Variants in NREP observed in about 807,000 individuals in gnomAD.
NREP encodes the protein neuronal regeneration-related protein.
Under a neutral mutation model 8.6 loss-of-function variants are expected in NREP, and 5 were observed. That is an observed-to-expected ratio of 0.58 (90% CI 0.30 to 1.22). NREP has a LOEUF of 1.22. Among genes scored for constraint, NREP ranks in the 50% most tolerant of loss-of-function variants. The probability of loss-of-function intolerance (pLI) is 0.07; values close to 1 mark genes in which losing one functional copy is unlikely to be tolerated. For missense variants in NREP, 86 were observed against 82.5 expected (o/e 1.04, Z -0.17); for synonymous variants, 27 against 28.0 (o/e 0.96, Z 0.11).
At chr5:111,759,474 T>G (rs1357178552), upstream of NREP, among the ~76,000 whole-genome samples, 2 of 151,806 alleles carry the variant, frequency 1.3e-5, no homozygotes, top group Non-Finnish European at 2.9e-5. Flanking sequence ...TTGCCCGGTC[T>G]CAAACTCCTG....
chr5:111,785,287 C>A lies in NREP; in HGVS notation c.136-49780G>T, dbSNP rs547802491. 3.1e-3 allele frequency among the ~76,000 whole-genome samples: 475 copies of A among 151,378 alleles called. 9 individuals are homozygous for A. The highest frequency in any genetic ancestry group is 4.3e-3 in the Non-Finnish European group (288 of 67,754). ...TCATTTCTATTTTAAAATGGCTATT[C>A]TTTTTTTTTGAGATGGAGTCTCCTT... On this transcript the variant is annotated intron_variant, in intron 2 of 3. Coordinates refer to the NREP transcript ENST00000395634.
At chr5:111,968,866 C>T (rs1756719957) in intron 2 of NREP, among the ~76,000 whole-genome samples, 2 of 152,142 alleles carry the variant, frequency 1.3e-5, no homozygotes, top group Admixed American at 1.3e-4. Context: ...AGTCATAACC[C>T]CTCAGCATGG....
intron 2 of NREP, among the ~76,000 whole-genome samples, chr5:111,916,995 A>G (rs1330712687): frequency 6.6e-6 from 1 of 152,038 alleles, no homozygotes; most frequent in Non-Finnish European, 1.5e-5. Flanking sequence ...AAGAGACCCA[A>G]ATGGGCACCG....
At chr5:111,945,288 T>G (rs1755945134) in intron 2 of NREP, among the ~76,000 whole-genome samples, 1 of 152,118 alleles carries the variant, frequency 6.6e-6, no homozygotes, top group Non-Finnish European at 1.5e-5. Context: ...TAAAGAACTT[T>G]TTTTTTATTA....
intron 2 of NREP, among the ~76,000 whole-genome samples, chr5:111,868,368 A>G (rs920824606): frequency 6.6e-6 from 1 of 152,220 alleles, no homozygotes; most frequent in Non-Finnish European, 1.5e-5. Context: ...CAGAGCAAAG[A>G]AAATGAATAG....
At chr5:111,754,103 TGAGTAAAAATCCTTCCAG>T in intron 2 of NREP, among the ~76,000 whole-genome samples, 1 of 152,168 alleles carries the variant, frequency 6.6e-6, no homozygotes, top group Non-Finnish European at 1.5e-5. Flanking sequence ...AATTTTTTCA[TGAGTAAAAATCCTTCCAG>T]GAGCAACAAA....
intron 2 of NREP, among the ~76,000 whole-genome samples, chr5:111,879,493 G>C (rs1206869543): frequency 6.6e-6 from 1 of 152,124 alleles, no homozygotes; most frequent in African/African-American, 2.4e-5. Flanking sequence ...GGCATTTTTT[G>C]AAAATATTTT....
intron 2 of NREP, among the ~76,000 whole-genome samples, chr5:111,925,369 G>T (rs1173613742): frequency 6.6e-6 from 1 of 152,110 alleles, no homozygotes; most frequent in East Asian, 1.9e-4. Flanking sequence ...TTCTTAAAGT[G>T]CCCTGGTTTG....
At chr5:111,762,106 G>A (rs1023020340), upstream of NREP, among the ~76,000 whole-genome samples, 1 of 152,104 alleles carries the variant, frequency 6.6e-6, no homozygotes, top group African/African-American at 2.4e-5. Context: ...GCATGGGAAA[G>A]GAAAAGAGGG....
At chr5:111,873,533 C>A (rs1753836660) in intron 2 of NREP, among the ~76,000 whole-genome samples, 1 of 152,148 alleles carries the variant, frequency 6.6e-6, no homozygotes, top group African/African-American at 2.4e-5. Flanking sequence ...AGGCTGTTCT[C>A]AGTTTCTGGA....
chr5:111,930,283 G>A (rs1273533044), intron 2 of NREP, among the ~76,000 whole-genome samples: 2 of 152,054 alleles, frequency 1.3e-5, no homozygotes, highest in African/African-American at 4.8e-5. Flanking sequence ...TAAATGTTAG[G>A]CTCCCATAAG....
intron 3 of NREP, 86 bp downstream of exon 3, chr5:111,735,344 T>C (rs1749004152): frequency 1.3e-5 from 11 of 838,482 alleles, no homozygotes; most frequent in Non-Finnish European, 2.0e-5. Flanking sequence ...CTATAATGGG[T>C]ATTCAAATGA....
intron 2 of NREP, among the ~76,000 whole-genome samples, chr5:111,891,392 A>T (rs1424234922): frequency 3.3e-5 from 5 of 152,192 alleles, no homozygotes; most frequent in African/African-American, 9.7e-5. Context: ...TCTCTAAAAA[A>T]TTTCAAATGT....
At chr5:111,748,286 C>A (rs1403379698) in intron 2 of NREP, among the ~76,000 whole-genome samples, 1 of 152,160 alleles carries the variant, frequency 6.6e-6, no homozygotes, top group Non-Finnish European at 1.5e-5. Flanking sequence ...AAAATGTTCA[C>A]TGAAAGCCTC....
intron 2 of NREP, among the ~76,000 whole-genome samples, chr5:111,880,446 T>C (rs1754024964): frequency 1.3e-5 from 2 of 152,212 alleles, no homozygotes; most frequent in African/African-American, 4.8e-5. Flanking sequence ...TTTTGAGGCC[T>C]CTTTCCTTGG....
chr5:111,797,185 A>T (rs1231520655), intron 2 of NREP, among the ~76,000 whole-genome samples: 1 of 152,232 alleles, frequency 6.6e-6, no homozygotes, highest in Non-Finnish European at 1.5e-5. Context: ...GAGATTCATC[A>T]ATTTATCCAT....
intron 2 of NREP, among the ~76,000 whole-genome samples, chr5:111,947,829 G>A (rs762347159): frequency 2.6e-5 from 4 of 151,970 alleles, no homozygotes; most frequent in Non-Finnish European, 5.9e-5. Flanking sequence ...TAGTTATCTT[G>A]TACATTAGAA....
intron 2 of NREP, among the ~76,000 whole-genome samples, chr5:111,772,074 G>A (rs569582730): frequency 1.3e-5 from 2 of 152,306 alleles, no homozygotes; most frequent in East Asian, 3.9e-4. Flanking sequence ...AAACAGAGGA[G>A]TTGGACTGGA....
chr5:111,975,203 T>A, intron 2 of NREP: 2 of 1,009,562 alleles, frequency 2.0e-6, no homozygotes, highest in Non-Finnish European at 3.0e-6. Flanking sequence ...ATCACTTGGT[T>A]GCATGTGATG....
Sources: gnomAD v4.1 joint callset for allele counts (sites outside exome capture counted in the v4.1 genomes callset) on GRCh38, gnomAD v4.1.1 for gene constraint, MANE v1.5 for transcripts, NCBI Gene and HGNC (gene_info 2026-07-23, HGNC 2026-07-21) for gene names.